HOMER2: variants seen among roughly 807,000 people sequenced by gnomAD.
HOMER2 encodes the protein homer protein homolog 2.
A neutral mutation model predicts 47.0 loss-of-function variants in HOMER2; 27 were observed. The ratio of observed to expected loss-of-function variants is 0.57; its 90% CI spans 0.42 to 0.79. The LOEUF is 0.79. Ranked by LOEUF, HOMER2 falls within the 30% of genes least tolerant of loss-of-function variation. The pLI is 0.00. For missense variants in HOMER2, 443 were observed against 435.0 expected, an observed-to-expected ratio of 1.02 and a Z score of -0.16; for synonymous variants, 161 against 163.8, an observed-to-expected ratio of 0.98 and a Z score of 0.13.
chr15:82,866,994 G>A (rs2051989919), intron 3 of HOMER2, among the ~76,000 whole-genome samples: 1 of 152,166 alleles, frequency 6.6e-6, no homozygotes, highest in Non-Finnish European at 1.5e-5. Context: ...ACAAACAGGT[G>A]AGAAATGGGC....
intron 1 of HOMER2, among the ~76,000 whole-genome samples, chr15:82,918,869 T>C (rs2053657378): frequency 6.6e-6 from 1 of 152,172 alleles, no homozygotes; most frequent in Non-Finnish European, 1.5e-5. Flanking sequence ...TAAATGGCTG[T>C]GCAGGGCACA....
intron 2 of HOMER2, among the ~76,000 whole-genome samples, chr15:82,891,320 G>A (rs1374866188): frequency 6.6e-6 from 1 of 152,156 alleles, no homozygotes; most frequent in East Asian, 1.9e-4. Flanking sequence ...TGTAAAATGA[G>A]GACTTCTGGG....
intron 1 of HOMER2, among the ~76,000 whole-genome samples, chr15:82,965,761 C>T (rs1326707627): frequency 6.6e-6 from 1 of 151,378 alleles, no homozygotes; most frequent in Non-Finnish European, 1.5e-5. Flanking sequence ...AGTGGGTCCT[C>T]AAAGCCCTTT....
chr15:82,962,053 T>C (rs952557920), intron 1 of HOMER2, among the ~76,000 whole-genome samples: 1 of 150,920 alleles, frequency 6.6e-6, no homozygotes, highest in East Asian at 2.0e-4. Context: ...TGTGAGCCAC[T>C]GCACCCAGCC....
rs551980620 is a variant in HOMER2, at chr15:82,919,963, ACAG to A, written c.6-27125_6-27123del. Among the ~76,000 whole-genome samples, 102 of 152,360 alleles carry A rather than the reference ACAG, an allele frequency of 6.7e-4. 1 individual carries two copies. Among genetic ancestry groups the A allele is most frequent in the African/African-American group, 2.3e-3 (95 of 41,590 alleles). On this transcript the variant is annotated intron_variant, in intron 1 of 8. Coordinates refer to ENST00000450735, the MANE Select transcript of HOMER2 (RefSeq NM_004839.4). ...TGCCTTCTCTATCGAGGAAAGAAAC[ACAG>A]CCCGTCTTCCCATAACCCTAGTATA...
intron 1 of HOMER2, among the ~76,000 whole-genome samples, chr15:82,960,906 T>C (rs528441111): frequency 2.6e-5 from 4 of 152,350 alleles, no homozygotes; most frequent in African/African-American, 9.6e-5. Context: ...TACCTTCACC[T>C]CAGCTGCCCA....
At chr15:82,922,932 C>G (rs1272411303) in intron 1 of HOMER2, among the ~76,000 whole-genome samples, 1 of 152,176 alleles carries the variant, frequency 6.6e-6, no homozygotes, top group Non-Finnish European at 1.5e-5. Context: ...ACTGAGCACA[C>G]CACCCCCAGG....
In HOMER2 at chr15:82,965,097, G is replaced by A. The variant is rs909367160; in HGVS notation, n.83-5789C>T. ...TGCAGTGGTGCCATCCTAGCTCACCGCAGTCCTGAACTCCTGGGCTCAAGG... is the reference window on the plus strand; with the variant it reads ...TGCAGTGGTGCCATCCTAGCTCACCACAGTCCTGAACTCCTGGGCTCAAGG... On this transcript the variant is annotated intron_variant and non_coding_transcript_variant, in intron 1 of 1. Transcript: ENST00000500334. 3.9e-5 allele frequency among the ~76,000 whole-genome samples: 6 copies of A among 152,110 alleles called. No individual in the cohort carries two copies. In the South Asian group the frequency reaches 1.0e-3, roughly 26 times the overall value.
At chr15:82,890,345 AAACAAC>A (rs888809853) in intron 2 of HOMER2, among the ~76,000 whole-genome samples, 1 of 152,138 alleles carries the variant, frequency 6.6e-6, no homozygotes, top group African/African-American at 2.4e-5. Flanking sequence ...CTGTCTCAAA[AAACAAC>A]AACAACAACA....
intron 1 of HOMER2, among the ~76,000 whole-genome samples, chr15:82,934,884 C>T (rs1216774761): frequency 6.6e-6 from 1 of 152,250 alleles, no homozygotes; most frequent in African/African-American, 2.4e-5. Context: ...TCTCCTCCAG[C>T]TTCCCACACC....
chr15:82,892,475 A>AT (rs1371455248), intron 2 of HOMER2, among the ~76,000 whole-genome samples: 1 of 152,254 alleles, frequency 6.6e-6, no homozygotes, highest in East Asian at 1.9e-4. Context: ...CAGAATTATT[A>AT]TACAGGCATT....
At chr15:82,838,069 C>A (rs1344722428) in exon 2 of HOMER2, 1 of 152,658 alleles carries the variant, frequency 6.6e-6, no homozygotes, top group Non-Finnish European at 1.5e-5. Flanking sequence ...GGAGAGTGCA[C>A]AGCAAGGCCT....
At chr15:82,838,949 A>G (rs1445849515) in exon 2 of HOMER2, 1 of 152,252 alleles carries the variant, frequency 6.6e-6, no homozygotes, top group Non-Finnish European at 1.5e-5. Context: ...GCCTGTTCCA[A>G]CAGCTCTGGA....
chr15:82,856,977 G>A (rs1411171136), intron 5 of HOMER2, among the ~76,000 whole-genome samples: 1 of 152,120 alleles, frequency 6.6e-6, no homozygotes, highest in East Asian at 1.9e-4. Context: ...TTTGTCACTT[G>A]GAATTCAGTT....
chr15:82,871,391 T>G (rs2151061562), intron 3 of HOMER2, among the ~76,000 whole-genome samples: 1 of 152,254 alleles, frequency 6.6e-6, no homozygotes, highest in Admixed American at 6.5e-5. Flanking sequence ...GGGCTGTGGG[T>G]GGTTGCTCTG....
downstream of HOMER2, chr15:82,835,104 A>C (rs2051110370): frequency 6.7e-6 from 1 of 150,330 alleles, no homozygotes; most frequent in African/African-American, 2.5e-5. Context: ...ATTGATATAG[A>C]ACAGAAATCT....
intron 1 of HOMER2, among the ~76,000 whole-genome samples, chr15:82,981,835 TA>T (rs562856973): frequency 7.0e-4 from 107 of 152,188 alleles, no homozygotes; most frequent in African/African-American, 2.2e-3. Flanking sequence ...TGGTGGTTGC[TA>T]GGGGCAGAGG....
At chr15:82,952,400 G>A in intron 1 of HOMER2, 131 bp downstream of exon 1, 1 of 606,438 alleles carries the variant, frequency 1.6e-6, no homozygotes, top group East Asian at 4.6e-5. Context: ...CGGGCGCAGA[G>A]TGTGCGCTCG....
chr15:82,870,281 T>G (rs1191374205), intron 3 of HOMER2, among the ~76,000 whole-genome samples: 3 of 152,164 alleles, frequency 2.0e-5, no homozygotes, highest in Non-Finnish European at 4.4e-5. Context: ...GGAAATCCGT[T>G]TCCCTGGTTT....
Sources: allele counts gnomAD v4.1 joint callset (sites outside exome capture counted in the v4.1 genomes callset), GRCh38; gene constraint gnomAD v4.1.1; transcripts MANE v1.5; gene names NCBI Gene and HGNC (gene_info 2026-07-23, HGNC 2026-07-21).